OSBPL10: variants seen among roughly 807,000 people sequenced by gnomAD.
OSBPL10 encodes the protein oxysterol-binding protein-related protein 10.
A neutral mutation model predicts 81.7 loss-of-function variants in OSBPL10; 49 were observed. The ratio of observed to expected loss-of-function variants is 0.60; its 90% CI spans 0.48 to 0.76. The LOEUF is 0.76. Among genes scored for constraint, OSBPL10 ranks in the 30% least tolerant of loss-of-function variants. OSBPL10 has a pLI of 0.00. For missense variants in OSBPL10, 923 were observed against 987.8 expected (o/e 0.93, Z 0.88); for synonymous variants, 419 against 383.6 (o/e 1.09, Z -1.08).
intron 4 of OSBPL10, among the ~76,000 whole-genome samples, chr3:31,761,841 G>T (rs1242095660): frequency 1.6e-5 from 2 of 123,162 alleles, no homozygotes; most frequent in Non-Finnish European, 3.1e-5. Flanking sequence ...ACCCTAAAGG[G>T]AGTCAGAGAG....
chr3:31,905,862 A>G (rs1256657230), intron 1 of OSBPL10, among the ~76,000 whole-genome samples: 1 of 150,460 alleles, frequency 6.6e-6, no homozygotes, highest in Non-Finnish European at 1.5e-5. Flanking sequence ...CTATCACTTG[A>G]TTAATTATTC....
intron 1 of OSBPL10, among the ~76,000 whole-genome samples, chr3:31,959,462 C>A (rs1698100051): frequency 6.6e-6 from 1 of 152,158 alleles, no homozygotes; most frequent in African/African-American, 2.4e-5. Flanking sequence ...ATCCCAAACA[C>A]AATCTGTTAA....
At chr3:31,728,165 A>T (rs565759888) in intron 6 of OSBPL10, among the ~76,000 whole-genome samples, 1 of 152,224 alleles carries the variant, frequency 6.6e-6, no homozygotes. Flanking sequence ...TCAGTACATA[A>T]AGATATTATA....
intron 3 of OSBPL10, among the ~76,000 whole-genome samples, chr3:31,842,796 G>A (rs1700531411): frequency 6.6e-6 from 1 of 152,166 alleles, no homozygotes; most frequent in Non-Finnish European, 1.5e-5. Flanking sequence ...GGATCAACTG[G>A]CCTAATTCCA....
chr3:31,679,063 C>G (rs1700569016), intron 8 of OSBPL10, among the ~76,000 whole-genome samples: 1 of 152,108 alleles, frequency 6.6e-6, no homozygotes, highest in Non-Finnish European at 1.5e-5. Context: ...CCTCTCTTCC[C>G]AGCCACGCAC....
chr3:32,013,583 A>G (rs1421353121), intron 2 of OSBPL10, among the ~76,000 whole-genome samples: 2 of 152,370 alleles, frequency 1.3e-5, no homozygotes, highest in Middle Eastern at 3.4e-3. Context: ...AAGGCAAGAA[A>G]TAACTAAGAT....
intron 8 of OSBPL10, among the ~76,000 whole-genome samples, chr3:31,680,999 T>C (rs1700626543): frequency 2.3e-5 from 3 of 130,026 alleles, no homozygotes; most frequent in African/African-American, 9.3e-5. Flanking sequence ...TACTCATTAT[T>C]GATGAGGTTT....
rs570280085 is a variant in OSBPL10, at chr3:31,825,970, A to G, written c.729+4070T>C. 1.7e-4 allele frequency among the ~76,000 whole-genome samples: 26 copies of G among 152,342 alleles called. 1 individual carries two copies. Among genetic ancestry groups the G allele is most frequent in the African/African-American group, 6.0e-4 (25 of 41,576 alleles). ...TAGTAATAATACCGACATGACTCTT[A>G]TCTTAAATTACTATATAGTGATTTA... On this transcript the variant is annotated intron_variant, in intron 4 of 11. Coordinates refer to ENST00000396556, the MANE Select transcript of OSBPL10 (RefSeq NM_017784.5).
intron 4 of OSBPL10, among the ~76,000 whole-genome samples, chr3:31,754,100 T>A (rs6550066): frequency 0.49 from 74,970 of 151,770 alleles, 18,831 homozygotes; most frequent in East Asian, 0.65. Context: ...CCTTCGCCCT[T>A]TAATTCCCAG....
chr3:31,754,261 C>T (rs1332607692), intron 4 of OSBPL10, among the ~76,000 whole-genome samples: 3 of 152,090 alleles, frequency 2.0e-5, no homozygotes, highest in Non-Finnish European at 2.9e-5. Flanking sequence ...CCAAACAGTT[C>T]GTGACTGCCA....
At chr3:31,768,647 C>A (rs1698270954) in intron 4 of OSBPL10, among the ~76,000 whole-genome samples, 1 of 152,106 alleles carries the variant, frequency 6.6e-6, no homozygotes, top group South Asian at 2.1e-4. Context: ...TAAAAGGTAA[C>A]CGGCAGCCTG....
At chr3:31,670,405 C>T (rs1700293914) in intron 9 of OSBPL10, among the ~76,000 whole-genome samples, 1 of 152,174 alleles carries the variant, frequency 6.6e-6, no homozygotes, top group Admixed American at 6.5e-5. Context: ...CTCATGGATG[C>T]ATGACACAGA....
intron 1 of OSBPL10, among the ~76,000 whole-genome samples, chr3:31,913,945 C>T (rs534621012): frequency 3.6e-4 from 55 of 152,144 alleles, no homozygotes; most frequent in African/African-American, 1.2e-3. Flanking sequence ...GTTTTTGAGA[C>T]GGAGTCTTGC....
At chr3:32,074,364 C>T (rs758305658) in intron 1 of OSBPL10, among the ~76,000 whole-genome samples, 3 of 152,282 alleles carry the variant, frequency 2.0e-5, no homozygotes, top group Non-Finnish European at 2.9e-5. Context: ...ATGCATCTCT[C>T]GACAACAGCC....
rs114056134 is a variant in OSBPL10, at chr3:31,828,859, G to A, written c.729+1181C>T. On this transcript the variant is annotated intron_variant, in intron 4 of 11. Transcript: ENST00000396556. ...AGTTTTTCCTTTTTAACACATCAGG[G>A]TGACTATTTCAAAGTAAGCATTCTA... is the stretch of plus-strand genomic sequence containing the variant. Among the ~76,000 whole-genome samples the A allele has an allele frequency of 6.2e-3, 937 of 152,240 alleles. 8 individuals carry two copies. Among genetic ancestry groups the A allele is most frequent in the Non-Finnish European group, 9.1e-3 (619 of 68,006 alleles).
intron 7 of OSBPL10, 103 bp downstream of exon 7, chr3:31,702,256 T>C: frequency 1.4e-6 from 2 of 1,382,888 alleles, no homozygotes; most frequent in South Asian, 1.4e-5. Flanking sequence ...CCACTCTTCT[T>C]CTCCAATCTC....
In OSBPL10 at chr3:31,720,881, C is replaced by CAAAAAAAAAAAAA. The variant is rs61492992; in HGVS notation, c.1095+12363_1095+12375dup. ...TGGGCAACAGAGCGAGACTCTGTCT[C>CAAAAAAAAAAAAA]AAAAAAAAAAAAAAAAAAAAAAAGG... On this transcript the variant is annotated intron_variant, in intron 6 of 11. Coordinates refer to ENST00000396556, the MANE Select transcript of OSBPL10 (RefSeq NM_017784.5). Among the ~76,000 whole-genome samples, 326 of 66,306 alleles carry CAAAAAAAAAAAAA rather than the reference C, an allele frequency of 4.9e-3. 5 individuals carry two copies. The highest frequency in any genetic ancestry group is 7.4e-3 in the Non-Finnish European group (259 of 35,030). The allele number at this position is 66,306 out of a possible 152,430, so 43.5% of individuals were successfully genotyped here.
chr3:31,941,065 A>C (rs1575049098), intron 1 of OSBPL10, among the ~76,000 whole-genome samples: 1 of 152,200 alleles, frequency 6.6e-6, no homozygotes, highest in African/African-American at 2.4e-5. Context: ...AAATGTACTC[A>C]ACGTTTGTCC....
chr3:32,019,763 G>A (rs1289639759), intron 2 of OSBPL10, among the ~76,000 whole-genome samples: 2 of 152,110 alleles, frequency 1.3e-5, no homozygotes, highest in Admixed American at 6.5e-5. Context: ...GGGTAAAATT[G>A]TTTGCAGTCT....
Sources: allele counts gnomAD v4.1 joint callset (sites outside exome capture counted in the v4.1 genomes callset), GRCh38; gene constraint gnomAD v4.1.1; transcripts MANE v1.5; gene names NCBI Gene and HGNC (gene_info 2026-07-23, HGNC 2026-07-21).